The following CYP2A13 variants were observed in gnomAD, a reference collection of about 807,000 sequenced individuals.
The protein encoded by CYP2A13 is cytochrome P450 2A13.
Under a neutral mutation model 39.4 loss-of-function variants are expected in CYP2A13, and 30 were observed. The ratio of observed to expected loss-of-function variants is 0.76; its 90% CI spans 0.57 to 1.03. The LOEUF (loss-of-function observed/expected upper bound fraction) is 1.03. CYP2A13 is among the 50% of genes least tolerant of loss of function. The pLI is 0.00. For missense variants in CYP2A13, 731 were observed against 648.4 expected (o/e 1.13, Z -1.38); for synonymous variants, 269 against 254.7 (o/e 1.06, Z -0.54).
chr19:41,091,952 A>C (rs759967227), intron 5 of CYP2A13, 44 bp downstream of exon 5: 2 of 1,605,672 alleles, frequency 1.2e-6, no homozygotes, highest in East Asian at 4.5e-5. Flanking sequence ...AGCCAGGGAG[A>C]GGGAAATCAG....
intron 5 of CYP2A13, among the ~76,000 whole-genome samples, 175 bp from the exon 6 acceptor site, chr19:41,093,455 T>G (rs2031233223): frequency 1.3e-5 from 2 of 152,050 alleles, no homozygotes; most frequent in South Asian, 4.1e-4. Context: ...AAGAGCATTT[T>G]GGGCAAAGCC....
chr19:41,089,929 C>G (rs1276279514), intron 2 of CYP2A13, 118 bp from the exon 3 acceptor site: 1 of 1,284,252 alleles, frequency 7.8e-7, no homozygotes, highest in Non-Finnish European at 1.0e-6. Context: ...CGCGCTGAAT[C>G]CATCTCTCTC....
At position 41,090,028 on chromosome 19, in the gene CYP2A13, C is replaced by T. The variant is rs748082919; in HGVS notation, c.344-19C>T. 7 of 1,610,100 alleles carry T rather than the reference C, an allele frequency of 4.3e-6. No homozygotes were observed. Among genetic ancestry groups the T allele is most frequent in the Middle Eastern group, 1.8e-4 (1 of 5,482 alleles). On this transcript the variant is annotated intron_variant, in intron 2 of 8. Transcript: ENST00000330436. Reference sequence around the variant, plus strand: ...CGCCGCCCCCTGACCTCTCTCCACCCCCGCGTTCACCTCCCCAGGCGTGGC... The same window carrying T: ...CGCCGCCCCCTGACCTCTCTCCACCTCCGCGTTCACCTCCCCAGGCGTGGC...
chr19:41,090,496 A>G lies in CYP2A13; in HGVS notation c.586A>G (p.Lys196Glu), dbSNP rs767754537. 6.2e-7 allele frequency: 1 copy of G among 1,614,172 alleles called. No homozygotes were observed. The highest frequency in any genetic ancestry group is 2.2e-5 in the East Asian group (1 of 44,886). Reference protein sequence around the residue: ...VFGDRFDYEDKEFLSLLRMML... With the variant: ...VFGDRFDYEDEEFLSLLRMML... ...TGGGGACCGCTTTGACTATGAGGAC[A>G]AAGAGTTCCTGTCACTGTTGCGCAT... Residue 196 changes from lysine (K) to glutamate (E), a missense_variant, in exon 4 of 9, where the codon AAA becomes GAA. Physicochemically the swap from Lys to Glu is moderately conservative, Grantham distance 56. Coordinates refer to ENST00000330436, the MANE Select transcript of CYP2A13 (RefSeq NM_000766.5).
rs768573834 is a variant in CYP2A13, at chr19:41,094,985, C to A, written c.1188C>A (p.Gly396=). The A allele has an allele frequency of 1.2e-5, 20 of 1,614,142 alleles. No homozygotes were observed. Among genetic ancestry groups the A allele is most frequent in the Non-Finnish European group, 1.6e-5 (19 of 1,180,014 alleles). ...PKGTEVFPML[G]SVLRDPRFFS... Reference sequence around the variant, plus strand: ...GCACTGAAGTGTTCCCTATGCTGGGCTCCGTGCTGAGAGACCCCAGGTTCT... The same window carrying A: ...GCACTGAAGTGTTCCCTATGCTGGGATCCGTGCTGAGAGACCCCAGGTTCT... Residue 396 remains glycine (G), a synonymous_variant, in exon 8 of 9, where the codon GGC becomes GGA. Transcript: ENST00000330436.
chr19:41,091,994 C>A, intron 5 of CYP2A13, 86 bp downstream of exon 5: 2 of 1,553,902 alleles, frequency 1.3e-6, no homozygotes, highest in Non-Finnish European at 1.7e-6. Context: ...CGACACAGGC[C>A]CATTCAAATT....
rs755650567 is a variant in CYP2A13, at chr19:41,091,737, T to A, written c.660T>A (p.Tyr220Ter). The change falls in exon 5 of 9, where the codon TAT (tyrosine) becomes TAA (stop). Residue 220 changes from tyrosine (Y) to a stop codon, truncating the protein, a stop_gained. Transcript: ENST00000330436. LOFTEE classifies it high-confidence loss of function. ...QFTATSTGQL[Y>*]EMFSSVMKHL... Reference sequence around the variant, plus strand: ...TCCTCTCTCTGCAACCCCAGCTCTATGAGATGTTCTCTTCGGTGATGAAAC... The same window carrying A: ...TCCTCTCTCTGCAACCCCAGCTCTAAGAGATGTTCTCTTCGGTGATGAAAC... 2.5e-6 allele frequency: 4 copies of A among 1,609,684 alleles called. No homozygotes were observed. Among genetic ancestry groups the A allele is most frequent in the Non-Finnish European group, 3.4e-6 (4 of 1,176,102 alleles).
rs144497081 is a variant in CYP2A13 at position 41,095,429 on chromosome 19, C to T, written c.1303+329C>T. Reference sequence around the variant, plus strand: ...CTGGGGGGTAGGGGCATCTAAACCTCCCATTGCTACACCTGGCATGGATCA... The same window carrying T: ...CTGGGGGGTAGGGGCATCTAAACCTTCCATTGCTACACCTGGCATGGATCA... On this transcript the variant is annotated intron_variant, in intron 8 of 8. Transcript: ENST00000330436. 8.2e-4 allele frequency among the ~76,000 whole-genome samples: 125 copies of T among 152,268 alleles called. 1 individual carries two copies. The East Asian group carries it at 0.02, about 24-fold the overall frequency.
rs1328552532 is a variant in CYP2A13 at position 41,091,928 on chromosome 19, G to T, written c.831+20G>T. On this transcript the variant is annotated intron_variant, in intron 5 of 8. Coordinates refer to ENST00000330436, the MANE Select transcript of CYP2A13 (RefSeq NM_000766.5). ...CAGGAGGTACATCCCAGCAGCCAGT[G>T]CAGGCAGGTGCAAAGCCAGGGAGAG... 1.2e-6 allele frequency: 2 copies of T among 1,612,534 alleles called. No individual in the cohort carries two copies. The highest frequency in any genetic ancestry group is 1.7e-6 in the Non-Finnish European group (2 of 1,179,036).
At chr19:41,090,312 G>C (rs2031159466) in intron 3 of CYP2A13, 92 bp from the exon 4 acceptor site, 2 of 1,587,878 alleles carry the variant, frequency 1.3e-6, no homozygotes, top group Non-Finnish European at 1.7e-6. Context: ...CTGGGATTCG[G>C]CTCAACAGGG....
At position 41,088,480 on chromosome 19, in the gene CYP2A13, C is replaced by T. The variant is rs1340247005; in HGVS notation, c.9C>T (p.Ala3=). 1.2e-6 allele frequency: 2 copies of T among 1,613,440 alleles called. No homozygotes were observed. The highest frequency in any genetic ancestry group is 2.7e-5 in the African/African-American group (2 of 74,912). ...ATCATCCCACTGCCACCATGCTGGC[C>T]TCAGGGCTGCTTCTGGTGACCTTGC... ML[A]SGLLLVTLLA... Residue 3 remains alanine, a synonymous_variant, in exon 1 of 9, where the codon GCC becomes GCT. Coordinates refer to ENST00000330436, the MANE Select transcript of CYP2A13 (RefSeq NM_000766.5).
intron 7 of CYP2A13, 149 bp from the exon 8 acceptor site, chr19:41,094,810 C>A (rs1371970608): frequency 1.2e-6 from 1 of 851,702 alleles, no homozygotes. Context: ...AACTTCTATC[C>A]CCCAAAGCTC....
At chr19:41,092,032 T>G (rs1024011188) in intron 5 of CYP2A13, 124 bp downstream of exon 5, 1 of 1,429,408 alleles carries the variant, frequency 7.0e-7, no homozygotes, top group African/African-American at 1.4e-5. Flanking sequence ...TCCTTACAAT[T>G]GGCCAGGCGC....
chr19:41,093,477 C>T (rs1187202997), intron 5 of CYP2A13, among the ~76,000 whole-genome samples, 153 bp from the exon 6 acceptor site: 7 of 152,116 alleles, frequency 4.6e-5, no homozygotes, highest in Non-Finnish European at 1.0e-4. Flanking sequence ...GCAGCCAGGG[C>T]AAGGGCTGGA....
At chr19:41,093,563 G>A in intron 5 of CYP2A13, 67 bp from the exon 6 acceptor site, 1 of 1,595,348 alleles carries the variant, frequency 6.3e-7, no homozygotes, top group East Asian at 2.2e-5. Flanking sequence ...AGCTCCAAAG[G>A]AAAAGCCCTA....
rs200559239 is a variant in CYP2A13 at position 41,090,212 on chromosome 19, C to G, written c.493+16C>G. ...GGCACGCACGGTGAGTAGGGGACCC[C>G]GAGTGCGAGGGCGGGAACCCGCGCT... On this transcript the variant is annotated intron_variant, in intron 3 of 8. Transcript: ENST00000330436. 1.9e-6 allele frequency: 3 copies of G among 1,554,444 alleles called. No individual in the cohort carries two copies. The highest frequency in any genetic ancestry group is 2.6e-6 in the Non-Finnish European group (3 of 1,149,334).
At chr19:41,089,958 G>C (rs1465732960) in intron 2 of CYP2A13, 89 bp from the exon 3 acceptor site, 4 of 1,389,038 alleles carry the variant, frequency 2.9e-6, no homozygotes, top group Admixed American at 3.1e-5. Context: ...CTCCCTCTCT[G>C]CTCCACCCTT....
At chr19:41,091,554 C>T (rs115833404) in intron 4 of CYP2A13, among the ~76,000 whole-genome samples, 178 bp from the exon 5 acceptor site, 342 of 152,338 alleles carry the variant, frequency 2.2e-3, no homozygotes, top group African/African-American at 7.5e-3. Flanking sequence ...GGCCCTGGCA[C>T]CTAATCCACG....
rs577564169 is a variant in CYP2A13, at chr19:41,089,098, G to A, written c.343+7G>A. 6 of 1,611,894 alleles carry A rather than the reference G, an allele frequency of 3.7e-6. No individual in the cohort carries two copies. The East Asian group carries it at 8.9e-5, about 24-fold the overall frequency. On this transcript the variant is annotated splice_region_variant and intron_variant, in intron 2 of 8. Coordinates refer to ENST00000330436, the MANE Select transcript of CYP2A13 (RefSeq NM_000766.5). ...TGGCTCTTCAAAGGCTATGGTGAGG[G>A]GGTGCCCAAGAGGGGGAAGGTGGCC...
Sources: gnomAD v4.1 joint callset for allele counts (sites outside exome capture counted in the v4.1 genomes callset) on GRCh38, gnomAD v4.1.1 for gene constraint, MANE v1.5 for transcripts, NCBI Gene and HGNC (gene_info 2026-07-23, HGNC 2026-07-21) for gene names.